Variants in GABRG2 observed in about 807,000 individuals in gnomAD.
GABRG2 encodes the protein gamma-aminobutyric acid receptor subunit gamma-2.
A neutral mutation model predicts 56.4 loss-of-function variants in GABRG2; 16 were observed. The ratio of observed to expected loss-of-function variants is 0.28; its 90% CI spans 0.19 to 0.43. The LOEUF (loss-of-function observed/expected upper bound fraction) is 0.43, where lower values mean the gene tolerates loss of function less well. GABRG2 is among the 20% of genes least tolerant of loss of function. GABRG2 has a pLI of 1.00. For missense variants in GABRG2, 327 were observed against 582.7 expected (o/e 0.56, Z 4.52); for synonymous variants, 208 against 205.5 (o/e 1.01, Z -0.10).
chr5:162,089,298 T>C (rs1409047603), intron 1 of GABRG2, among the ~76,000 whole-genome samples: 1 of 152,088 alleles, frequency 6.6e-6, no homozygotes, highest in Admixed American at 6.6e-5. Flanking sequence ...AATGATACTT[T>C]TGGGGCATGG....
intron 6 of GABRG2, among the ~76,000 whole-genome samples, chr5:162,115,283 C>T (rs1581389534): frequency 6.6e-6 from 1 of 152,116 alleles, no homozygotes; most frequent in Admixed American, 6.6e-5. Flanking sequence ...TTACTTCACT[C>T]CTGAAACACT....
At chr5:162,152,932 CT>C in intron 9 of GABRG2, 160 bp from the exon 10 acceptor site, 3 of 851,176 alleles carry the variant, frequency 3.5e-6, no homozygotes, top group Non-Finnish European at 5.6e-6. Context: ...AATGTGCTAT[CT>C]TTCTAAGTTC....
Position 162,153,506 on chromosome 5 carries a change from TATA to T in GABRG2, c.*141_*143del, listed in dbSNP as rs1765521330. On this transcript the variant is annotated 3_prime_UTR_variant, in exon 10 of 10. Transcript: ENST00000639213. ...TTCTATGTCCAAACCTGGTAAATTT[TATA>T]ATGTCATATTGTTTGTGCCCAGCCC... 4 of 1,052,050 alleles carry T rather than the reference TATA, an allele frequency of 3.8e-6. No individual in the cohort carries two copies. Among genetic ancestry groups the T allele is most frequent in the Non-Finnish European group, 5.8e-6 (4 of 686,726 alleles). 65.2% of individuals were successfully genotyped at this position (1,052,050 alleles called of 1,614,324 possible).
chr5:162,117,772 T>C (rs1215774467), intron 6 of GABRG2, among the ~76,000 whole-genome samples: 2 of 152,122 alleles, frequency 1.3e-5, no homozygotes, highest in African/African-American at 4.8e-5. Flanking sequence ...GAATTGCCAT[T>C]TCATTGGTTG....
chr5:162,145,786 G>T (rs905934801), intron 7 of GABRG2, among the ~76,000 whole-genome samples: 1 of 152,084 alleles, frequency 6.6e-6, no homozygotes, highest in Non-Finnish European at 1.5e-5. Context: ...TTCACTTGTC[G>T]AGGGTCAAGT....
At chr5:162,090,539 G>A (rs1297442393) in intron 1 of GABRG2, among the ~76,000 whole-genome samples, 1 of 152,028 alleles carries the variant, frequency 6.6e-6, no homozygotes, top group African/African-American at 2.4e-5. Context: ...TGTGGCCCCA[G>A]GCTCTCACTA....
At chr5:162,122,771 A>T (rs1258499024) in intron 6 of GABRG2, among the ~76,000 whole-genome samples, 1 of 151,748 alleles carries the variant, frequency 6.6e-6, no homozygotes, top group Non-Finnish European at 1.5e-5. Context: ...TCTTATACAA[A>T]CTACTTGAGA....
At position 162,103,883 on chromosome 5, in the gene GABRG2, C is replaced by T. The variant is rs199883385; in HGVS notation, c.632-6C>T. 5.2e-5 allele frequency: 84 copies of T among 1,613,776 alleles called. 1 individual carries two copies. Among genetic ancestry groups the T allele is most frequent in the Middle Eastern group, 3.3e-4 (2 of 6,058 alleles). ...TTTTAATGTGAGCTTTCCTATCTCA[C>T]GGCAGATGGCTATCCACGTGAAGAA... On this transcript the variant is annotated splice_polypyrimidine_tract_variant and splice_region_variant and intron_variant, in intron 5 of 9. Coordinates refer to ENST00000639213, the MANE Select transcript of GABRG2 (RefSeq NM_198904.4).
At chr5:162,121,932 GCTAGCAGTCAAAGGGTCATATAGAA>G (rs1464544131) in intron 6 of GABRG2, among the ~76,000 whole-genome samples, 1 of 151,958 alleles carries the variant, frequency 6.6e-6, no homozygotes, top group Non-Finnish European at 1.5e-5. Context: ...ATGTAGAATA[GCTAGCAGTCAAAGGGTCATATAGAA>G]ACTATGCATG....
intron 6 of GABRG2, among the ~76,000 whole-genome samples, chr5:162,115,646 C>G (rs1398321896): frequency 2.0e-5 from 3 of 152,026 alleles, no homozygotes; most frequent in African/African-American, 4.8e-5. Flanking sequence ...GTGGCTGTGA[C>G]ATGGCTTTCA....
chr5:162,091,429 G>A (rs1321645420), intron 1 of GABRG2, among the ~76,000 whole-genome samples: 2 of 151,982 alleles, frequency 1.3e-5, no homozygotes, highest in Admixed American at 6.6e-5. Context: ...AACCTTACAC[G>A]GGAATGTAAT....
chr5:162,072,815 T>C (rs1023689825), intron 1 of GABRG2, among the ~76,000 whole-genome samples: 4 of 148,052 alleles, frequency 2.7e-5, no homozygotes, highest in African/African-American at 1.0e-4. Context: ...TACTTAAACA[T>C]AATAGATTAG....
At chr5:162,123,379 A>T (rs1581404086) in intron 6 of GABRG2, among the ~76,000 whole-genome samples, 1 of 151,538 alleles carries the variant, frequency 6.6e-6, no homozygotes, top group African/African-American at 2.4e-5. Context: ...TATTTATCTA[A>T]TTATCTAATT....
At chr5:162,109,416 A>ATTTATTTATTTATT (rs1383679818) in intron 6 of GABRG2, among the ~76,000 whole-genome samples, 5 of 87,534 alleles carry the variant, frequency 5.7e-5, no homozygotes, top group African/African-American at 7.6e-5. Flanking sequence ...ATATATATAT[A>ATTTATTTATTTATT]TATATATTTA....
chr5:162,100,660 C>T (rs986862107), intron 4 of GABRG2, among the ~76,000 whole-genome samples: 2 of 152,278 alleles, frequency 1.3e-5, no homozygotes, highest in East Asian at 1.9e-4. Context: ...AGATATTCTT[C>T]TACTCTATAA....
intron 4 of GABRG2, chr5:162,100,240 A>G (rs2113346637): frequency 6.6e-6 from 1 of 152,282 alleles, no homozygotes; most frequent in African/African-American, 2.4e-5. Context: ...ATATTTTAAC[A>G]TCAGTAATTG....
chr5:162,083,241 G>A (rs528129747), intron 1 of GABRG2, among the ~76,000 whole-genome samples: 3 of 151,566 alleles, frequency 2.0e-5, no homozygotes, highest in African/African-American at 2.4e-5. Flanking sequence ...AAATACATTC[G>A]ATACATTTGA....
At chr5:162,103,649 T>A (rs986216441) in intron 5 of GABRG2, 1 of 541,034 alleles carries the variant, frequency 1.8e-6, no homozygotes. Context: ...ATACCTTCTA[T>A]GTCATTTAAA....
intron 6 of GABRG2, among the ~76,000 whole-genome samples, chr5:162,111,619 A>T (rs370674942): frequency 1.3e-5 from 2 of 152,190 alleles, no homozygotes; most frequent in Admixed American, 6.6e-5. Context: ...TCTAGCATCT[A>T]TGCAATATAC....
Sources: allele counts gnomAD v4.1 joint callset (sites outside exome capture counted in the v4.1 genomes callset), GRCh38; gene constraint gnomAD v4.1.1; transcripts MANE v1.5; gene names NCBI Gene and HGNC (gene_info 2026-07-23, HGNC 2026-07-21).